The following ABL1 variants were observed in gnomAD, a reference collection of about 807,000 sequenced individuals.
ABL1 encodes the protein ABL proto-oncogene 1, non-receptor tyrosine kinase, also known as tyrosine-protein kinase ABL1.
In ABL1, 11 loss-of-function variants were observed where a neutral mutation model predicts 94.7. The ratio of observed to expected loss-of-function variants is 0.12; its 90% CI spans 0.07 to 0.19. ABL1 has a LOEUF of 0.19. Ranked by LOEUF, ABL1 falls within the 10% of genes least tolerant of loss-of-function variation. The pLI, the probability that ABL1 is intolerant of heterozygous loss-of-function variation, is 1.00. For synonymous variants in ABL1, 656 were observed against 622.4 expected (o/e 1.05, Z -0.80); for missense variants, 1,082 against 1,489.4 (o/e 0.73, Z 4.50).
At chr9:130,713,804 G>A (rs1478154678) in exon 1 of ABL1, 1 of 214,194 alleles carries the variant, frequency 4.7e-6, no homozygotes, top group Non-Finnish European at 9.4e-6. Flanking sequence ...TCCTTTTCCG[G>A]AGAGCAAAGC....
intron 6 of ABL1, 97 bp from the exon 7 acceptor site, chr9:130,874,769 CTT>C: frequency 7.7e-7 from 1 of 1,296,802 alleles, no homozygotes; most frequent in East Asian, 2.3e-5. Flanking sequence ...TGGACTCAAT[CTT>C]TCCATTGTCA....
At chr9:130,737,765 C>A (rs986863810) in intron 1 of ABL1, among the ~76,000 whole-genome samples, 2 of 151,700 alleles carry the variant, frequency 1.3e-5, no homozygotes, top group African/African-American at 4.9e-5. Context: ...TCCTTGGCAT[C>A]TGCTTGTGCC....
rs76293422 is a variant in ABL1, at chr9:130,822,572, T to C, written c.137-31492T>C. ...GCACACACCAGTGTACCAGGGGTTG[T>C]CTGTCTTTTGATTATAGCTATTGGA... On this transcript the variant is annotated intron_variant, in intron 1 of 10. Coordinates refer to the ABL1 transcript ENST00000372348. 7.6e-3 allele frequency among the ~76,000 whole-genome samples: 1,160 copies of C among 151,894 alleles called. 14 individuals are homozygous for C. Among genetic ancestry groups the C allele is most frequent in the African/African-American group, 0.026 (1,069 of 41,416 alleles).
chr9:130,749,695 C>T (rs1192066311), intron 1 of ABL1, among the ~76,000 whole-genome samples: 2 of 152,162 alleles, frequency 1.3e-5, no homozygotes, highest in Admixed American at 6.6e-5. Flanking sequence ...TTTCTTTGCT[C>T]TCTCCCAGGT....
chr9:130,718,943 G>C (rs2855158), intron 1 of ABL1, among the ~76,000 whole-genome samples: 29,488 of 152,120 alleles, frequency 0.19, 3,534 homozygotes, highest in Middle Eastern at 0.38. Context: ...AGGGATGTTT[G>C]TTGCTGAAGT....
chr9:130,845,545 A>T (rs1326713732), intron 1 of ABL1, among the ~76,000 whole-genome samples: 1 of 151,804 alleles, frequency 6.6e-6, no homozygotes, highest in East Asian at 1.9e-4. Flanking sequence ...TTTAGTAGAG[A>T]CGACCTCCCA....
upstream of ABL1, chr9:130,835,158 G>T: frequency 9.7e-6 from 2 of 207,196 alleles, no homozygotes; most frequent in Non-Finnish European, 9.9e-6. This position sits in a 1 kb window ranked among gnomAD's most constrained non-coding sequence, Gnocchi z 4.6. Context: ...AACGCCAGGG[G>T]CCCCTGGGTG....
chr9:130,878,384 G>A, intron 7 of ABL1, 31 bp from the exon 8 acceptor site: 1 of 1,612,060 alleles, frequency 6.2e-7, no homozygotes, highest in Non-Finnish European at 8.5e-7. Flanking sequence ...TACACATCTT[G>A]AACAGCCTTT....
chr9:130,875,734 G>A (rs1052069272), intron 7 of ABL1, among the ~76,000 whole-genome samples: 2 of 152,164 alleles, frequency 1.3e-5, no homozygotes, highest in African/African-American at 2.4e-5. Flanking sequence ...TTTAGTAAGA[G>A]TGGATCAGGG....
chr9:130,807,668 TTATA>T (rs35665086), intron 1 of ABL1, among the ~76,000 whole-genome samples: 10,842 of 113,176 alleles, frequency 0.096, 738 homozygotes, highest in African/African-American at 0.19. Context: ...TTCCTTAATT[TTATA>T]TATATATATA....
intron 1 of ABL1, among the ~76,000 whole-genome samples, chr9:130,797,015 A>T (rs1829984024): frequency 6.6e-6 from 1 of 150,414 alleles, no homozygotes; most frequent in Non-Finnish European, 1.5e-5. Flanking sequence ...AGGCGGGTGG[A>T]TCACGAGATC....
In ABL1 at chr9:130,735,889, G is replaced by A. The variant is rs1341904438; in HGVS notation, c.136+21434G>A. ...TAGCTACCATTTTGCGTATGTCTGT[G>A]TGTATATATATGTGTGTGTATATGT... is the stretch of plus-strand genomic sequence containing the variant. On this transcript the variant is annotated intron_variant, in intron 1 of 10. Coordinates refer to the ABL1 transcript ENST00000372348. Among the ~76,000 whole-genome samples, 2 of 110,788 alleles carry A rather than the reference G, an allele frequency of 1.8e-5. 1 individual carries two copies. The highest frequency in any genetic ancestry group is 5.9e-4 in the South Asian group (2 of 3,388). 72.7% of individuals were successfully genotyped at this position (110,788 alleles called of 152,430 possible).
intron 1 of ABL1, among the ~76,000 whole-genome samples, chr9:130,721,989 A>G (rs1189549591): frequency 6.6e-6 from 1 of 151,630 alleles, no homozygotes; most frequent in Non-Finnish European, 1.5e-5. Context: ...TCACCCTGTT[A>G]GCCAGGATGG....
At chr9:130,835,133 G>A, upstream of ABL1, 1 of 234,698 alleles carries the variant, frequency 4.3e-6, no homozygotes, top group Non-Finnish European at 8.6e-6. This position sits in a 1 kb window ranked among gnomAD's most constrained non-coding sequence, Gnocchi z 4.6. Context: ...GCTTTGGGCC[G>A]GGCTCGGCCT....
rs1554767268 is a variant in ABL1 at position 130,835,353 on chromosome 9, G to GT, written c.-94_-93insT. On this transcript the variant is annotated 5_prime_UTR_variant, in exon 1 of 11. Coordinates refer to ENST00000318560, the MANE Select transcript of ABL1 (RefSeq NM_005157.6). The surrounding 1 kb of genome is among the most constrained non-coding windows in gnomAD (Gnocchi z 4.6). Reference sequence around the variant, plus strand: ...GAGGGCGGCTGGCGGGGCCGGGGGCGCCGGGGGGGCGCGCGGGCCGAGCCG... The same window carrying GT: ...GAGGGCGGCTGGCGGGGCCGGGGGCGTCCGGGGGGGCGCGCGGGCCGAGCCG... 0.017 allele frequency: 10,411 copies of GT among 608,818 alleles called. 280 individuals are homozygous for GT. The highest frequency in any genetic ancestry group is 0.061 in the African/African-American group (2,959 of 48,276). The allele number at this position is 608,818 out of a possible 1,614,324, so 37.7% of individuals were successfully genotyped here.
At chr9:130,790,813 T>C (rs548698655) in intron 1 of ABL1, among the ~76,000 whole-genome samples, 150 of 152,134 alleles carry the variant, frequency 9.9e-4, no homozygotes, top group African/African-American at 3.5e-3. Context: ...AAAAGGCCCA[T>C]GCAAGTCCTG....
intron 1 of ABL1, among the ~76,000 whole-genome samples, chr9:130,745,080 CTTT>C (rs767607633): frequency 6.1e-5 from 8 of 131,352 alleles, no homozygotes; most frequent in Non-Finnish European, 6.6e-5. Context: ...TCCTGGGAAC[CTTT>C]TTTTTTTTTT....
At chr9:130,815,041 A>G (rs1042664743) in intron 1 of ABL1, among the ~76,000 whole-genome samples, 1 of 151,728 alleles carries the variant, frequency 6.6e-6, no homozygotes, top group African/African-American at 2.4e-5. Context: ...CTTAATTAAA[A>G]TAATCAGACA....
rs542210601 is a variant in ABL1, at chr9:130,865,700, C to T, written c.822+2665C>T. On this transcript the variant is annotated intron_variant, in intron 4 of 10. Transcript: ENST00000318560. ...GGTTGAGGCTGCAGTGAGCCGTAATCGTGCCACTGCACTCCTACCTGGGGA... is the reference window on the plus strand; with the variant it reads ...GGTTGAGGCTGCAGTGAGCCGTAATTGTGCCACTGCACTCCTACCTGGGGA... Among the ~76,000 whole-genome samples, 20 of 142,670 alleles carry T rather than the reference C, an allele frequency of 1.4e-4. No homozygotes were observed. In the South Asian group the frequency reaches 4.2e-3, roughly 30 times the overall value. 93.6% of individuals were successfully genotyped at this position (142,670 alleles called of 152,430 possible).
Sources: allele counts gnomAD v4.1 joint callset (sites outside exome capture counted in the v4.1 genomes callset), GRCh38; gene constraint gnomAD v4.1.1; non-coding constraint Gnocchi (gnomAD v3.1); transcripts MANE v1.5; gene names NCBI Gene and HGNC (gene_info 2026-07-23, HGNC 2026-07-21).